Variants in PI4KA observed in about 807,000 individuals in gnomAD.
PI4KA encodes phosphatidylinositol 4-kinase alpha, also known as PI4-kinase alpha.
PI4KA carries 122 observed loss-of-function variants against 271.4 expected under a neutral mutation model. The ratio of observed to expected loss-of-function variants is 0.45; its 90% confidence interval spans 0.39 to 0.52. The LOEUF (loss-of-function observed/expected upper bound fraction) is 0.52, where lower values mean the gene tolerates loss of function less well. Among genes scored for constraint, PI4KA ranks in the 20% least tolerant of loss-of-function variants. The probability of loss-of-function intolerance (pLI) is 0.00; values close to 1 mark genes in which losing one functional copy is unlikely to be tolerated. For synonymous variants in PI4KA, 1,041 were observed against 1,078.8 expected (o/e 0.96, Z 0.69); for missense variants, 1,969 against 2,769.1 (o/e 0.71, Z 6.48).
chr22:20,854,161 C>T (rs776456745), intron 1 of PI4KA, among the ~76,000 whole-genome samples: 15 of 152,148 alleles, frequency 9.9e-5, no homozygotes, highest in Non-Finnish European at 1.8e-4. Flanking sequence ...CCGTTTGTCG[C>T]CCAAGCCAGA....
intron 23 of PI4KA, among the ~76,000 whole-genome samples, chr22:20,756,612 A>G (rs774700239): frequency 6.6e-6 from 1 of 151,546 alleles, no homozygotes; most frequent in Admixed American, 6.6e-5. Flanking sequence ...AATGTCATGT[A>G]GTAGCATCTA....
At chr22:20,745,798 T>C (rs1242083449) in intron 29 of PI4KA, among the ~76,000 whole-genome samples, 1 of 151,980 alleles carries the variant, frequency 6.6e-6, no homozygotes, top group South Asian at 2.1e-4. Context: ...TTGTTACACG[T>C]TCAACGTAAT....
chr22:20,780,684 G>A lies in PI4KA; in HGVS notation c.2328+12509C>T, dbSNP rs562546492. Among the ~76,000 whole-genome samples, 15 of 149,992 alleles carry A rather than the reference G, an allele frequency of 1.0e-4. No homozygotes were observed. In the South Asian group the frequency reaches 3.2e-3, roughly 32 times the overall value. On this transcript the variant is annotated intron_variant, in intron 19 of 54. Transcript: ENST00000255882. ...CCAGCTACTTGGGAGGCTGAGGCAGGAGAATCACTTGAACCTGGAAGGCAG... is the reference window on the plus strand; with the variant it reads ...CCAGCTACTTGGGAGGCTGAGGCAGAAGAATCACTTGAACCTGGAAGGCAG...
chr22:20,765,627 A>G lies in PI4KA; in HGVS notation c.2395T>C (p.Trp799Arg). The change falls in exon 20 of 55, where the codon TGG becomes CGG. Residue 799 changes from tryptophan (W) to arginine (R), a missense_variant. Coordinates refer to ENST00000255882, the MANE Select transcript of PI4KA (RefSeq NM_058004.4). ...PRLQKLFRDF[W>R]LYSVLMGFAV... ...AATCCCATCAGAACGGAATACAGCCAGAAGTCTCGGAAGAGCTTCTGTAAC... is the reference window on the plus strand; with the variant it reads ...AATCCCATCAGAACGGAATACAGCCGGAAGTCTCGGAAGAGCTTCTGTAAC... 1.2e-6 allele frequency: 2 copies of G among 1,611,638 alleles called. No homozygotes were observed. The highest frequency in any genetic ancestry group is 1.7e-6 in the Non-Finnish European group (2 of 1,177,824).
chr22:20,804,069 C>A (rs552863909), intron 12 of PI4KA, among the ~76,000 whole-genome samples: 2 of 152,238 alleles, frequency 1.3e-5, no homozygotes, highest in Non-Finnish European at 2.9e-5. Context: ...CAACGGAGAA[C>A]TGAAGCCAGC....
At chr22:20,758,177 A>G (rs1311411941) in intron 23 of PI4KA, among the ~76,000 whole-genome samples, 1 of 151,906 alleles carries the variant, frequency 6.6e-6, no homozygotes, top group Non-Finnish European at 1.5e-5. Flanking sequence ...CATTCTGGCT[A>G]ACACAGTGAA....
intron 50 of PI4KA, 169 bp downstream of exon 50, chr22:20,712,317 A>T: frequency 1.0e-6 from 1 of 975,718 alleles, no homozygotes; most frequent in Non-Finnish European, 1.2e-6. Context: ...GGCCTCCCAA[A>T]GTGCTAGGAT....
rs1248128986 is a variant in PI4KA, at chr22:20,729,658, G to A, written c.4462C>T (p.Arg1488Cys). The A allele has an allele frequency of 5.7e-6, 9 of 1,579,874 alleles. No individual in the cohort carries two copies. Among genetic ancestry groups the A allele is most frequent in the African/African-American group, 1.3e-5 (1 of 74,416 alleles). The change falls in exon 38 of 55, where the codon CGC becomes TGC. Residue 1488 changes from arginine to cysteine, a missense_variant. By Grantham distance (180) the Arg-to-Cys change is radical (BLOSUM62 -3). Transcript: ENST00000255882. ...GSQLHKYYMK[R>C]RTLLLSLLAT... ...AGCAGGGACAGCAGCAGCGTCCTGC[G>A]CTTCATGTAGTATTTGTGCAGCTGG...
At chr22:20,750,808 T>C (rs768224798) in intron 27 of PI4KA, among the ~76,000 whole-genome samples, 19 of 151,912 alleles carry the variant, frequency 1.3e-4, no homozygotes, top group Admixed American at 9.2e-4. Context: ...TGAGACCGAG[T>C]TGGGGAGAGG....
chr22:20,854,589 T>C (rs530894718), intron 1 of PI4KA, among the ~76,000 whole-genome samples: 2 of 152,204 alleles, frequency 1.3e-5, no homozygotes, highest in Admixed American at 6.5e-5. Context: ...ACTAAAACCA[T>C]GTCAGGGCTG....
chr22:20,747,852 A>C, intron 28 of PI4KA, 150 bp from the exon 29 acceptor site: 2 of 735,166 alleles, frequency 2.7e-6, no homozygotes, highest in Non-Finnish European at 4.4e-6. Flanking sequence ...CTCCCGCCTC[A>C]GCTTCCCAAG....
intron 19 of PI4KA, chr22:20,786,925 CACT>C: frequency 6.2e-7 from 1 of 1,614,160 alleles, no homozygotes; most frequent in Non-Finnish European, 8.5e-7. Flanking sequence ...CCCAAGCCAC[CACT>C]GTGACCACGG....
chr22:20,756,172 A>G (rs1290841523), intron 23 of PI4KA, among the ~76,000 whole-genome samples: 2 of 151,800 alleles, frequency 1.3e-5, no homozygotes, highest in Non-Finnish European at 2.9e-5. Flanking sequence ...GGGTGGGTGA[A>G]ATCTTATTTT....
At chr22:20,851,339 G>T (rs1033354679) in intron 1 of PI4KA, among the ~76,000 whole-genome samples, 18 of 151,760 alleles carry the variant, frequency 1.2e-4, no homozygotes, top group East Asian at 1.9e-4. Context: ...GGTTTTTTTT[G>T]TTGTTGTTGT....
At chr22:20,848,969 C>T (rs1361744192) in intron 1 of PI4KA, among the ~76,000 whole-genome samples, 2 of 152,010 alleles carry the variant, frequency 1.3e-5, no homozygotes, top group African/African-American at 2.4e-5. Flanking sequence ...AAATAAAGAA[C>T]TATTACAACT....
intron 4 of PI4KA, among the ~76,000 whole-genome samples, chr22:20,821,097 C>T (rs1922598061): frequency 6.6e-6 from 1 of 152,186 alleles, no homozygotes; most frequent in Admixed American, 6.5e-5. Flanking sequence ...GGAACTCACC[C>T]AGCATACTCA....
chr22:20,823,729 C>T (rs556338909), intron 4 of PI4KA, among the ~76,000 whole-genome samples: 110 of 152,078 alleles, frequency 7.2e-4, no homozygotes, highest in Non-Finnish European at 1.3e-3. Flanking sequence ...ACTTGAGGCC[C>T]GGAGTTCAAG....
intron 19 of PI4KA, among the ~76,000 whole-genome samples, chr22:20,788,715 A>G (rs1306969174): frequency 6.6e-6 from 1 of 152,056 alleles, no homozygotes; most frequent in African/African-American, 2.4e-5. Context: ...CACTCCTTCA[A>G]TTCATTCTCC....
chr22:20,748,582 G>C (rs1375023459), intron 28 of PI4KA, among the ~76,000 whole-genome samples: 1 of 152,234 alleles, frequency 6.6e-6, no homozygotes, highest in Non-Finnish European at 1.5e-5. Flanking sequence ...CAAGGACAAG[G>C]GTCTCGAGGG....
Sources: allele counts gnomAD v4.1 joint callset (sites outside exome capture counted in the v4.1 genomes callset), GRCh38; gene constraint gnomAD v4.1.1; transcripts MANE v1.5; gene names NCBI Gene and HGNC (gene_info 2026-07-23, HGNC 2026-07-21).